The following KANK4 variants were observed in gnomAD, a reference collection of about 807,000 sequenced individuals.
KANK4 encodes KN motif and ankyrin repeat domain-containing protein 4.
Under a neutral mutation model 80.8 loss-of-function variants are expected in KANK4, and 50 were observed. The ratio of observed to expected loss-of-function variants is 0.62; its 90% CI spans 0.49 to 0.78. The LOEUF (loss-of-function observed/expected upper bound fraction) is 0.78. Ranked by LOEUF, KANK4 falls within the 30% of genes least tolerant of loss-of-function variation. The pLI is 0.00. For missense variants in KANK4, 1,196 were observed against 1,240.1 expected (o/e 0.96, Z 0.53); for synonymous variants, 465 against 506.9 (o/e 0.92, Z 1.11).
At chr1:62,291,592 C>T (rs1672679154) in intron 1 of KANK4, among the ~76,000 whole-genome samples, 1 of 152,112 alleles carries the variant, frequency 6.6e-6, no homozygotes, top group Non-Finnish European at 1.5e-5. Context: ...AGGTGCATAC[C>T]ACCAGGTACA....
At position 62,274,294 on chromosome 1, in the gene KANK4, G is replaced by A; in HGVS notation, c.810C>T (p.Ala270=). The part of the protein sequence containing the change: ...VLEDKEDEHN[A]REAEVLFTPG... ...GGGTGAACAACACCTCTGCTTCTCT[G>A]GCATTGTGTTCATCTTCCTTGTCCT... Residue 270 remains alanine (A), a synonymous_variant, in exon 3 of 10, where the codon GCC becomes GCT. Coordinates refer to ENST00000371153, the MANE Select transcript of KANK4 (RefSeq NM_181712.5). The A allele has an allele frequency of 1.2e-6, 2 of 1,614,150 alleles. No individual in the cohort carries two copies. Among genetic ancestry groups the A allele is most frequent in the African/African-American group, 2.7e-5 (2 of 75,050 alleles).
intron 5 of KANK4, 38 bp from the exon 6 acceptor site, chr1:62,266,857 T>A: frequency 7.9e-7 from 1 of 1,258,888 alleles, no homozygotes; most frequent in South Asian, 1.3e-5. Flanking sequence ...ATTTATATAA[T>A]CATTTTCAAG....
chr1:62,303,161 A>G (rs1571045410), intron 1 of KANK4, among the ~76,000 whole-genome samples: 1 of 152,130 alleles, frequency 6.6e-6, no homozygotes, highest in Middle Eastern at 3.4e-3. Context: ...GGATACTGGG[A>G]TGAGAGGCAG....
rs768266101 is a variant in KANK4 at position 62,274,874 on chromosome 1, T to G, written c.230A>C (p.Asp77Ala). Residue 77 changes from aspartate to alanine, a missense_variant, in exon 3 of 10, where the codon GAC becomes GCC. Asp to Ala is a moderately radical substitution (Grantham distance 126). Coordinates refer to ENST00000371153, the MANE Select transcript of KANK4 (RefSeq NM_181712.5). ...STLPRNFSLPDSGARPPAAPP... is the reference protein window; with the variant it reads ...STLPRNFSLPASGARPPAAPP... Reference sequence around the variant, plus strand: ...GGCTGCAGGGGGGCGAGCCCCACTGTCAGGAAGGCTGAAGTTTCGGGGCAG... The same window carrying G: ...GGCTGCAGGGGGGCGAGCCCCACTGGCAGGAAGGCTGAAGTTTCGGGGCAG... The G allele has an allele frequency of 1.5e-5, 24 of 1,614,098 alleles. No homozygotes were observed. The highest frequency in any genetic ancestry group is 1.9e-5 in the Non-Finnish European group (23 of 1,179,960).
chr1:62,247,181 G>A (rs1303604593), intron 9 of KANK4, among the ~76,000 whole-genome samples: 1 of 151,972 alleles, frequency 6.6e-6, no homozygotes, highest in African/African-American at 2.4e-5. Context: ...GTGAGCCACT[G>A]TGCTGAGCCT....
chr1:62,303,820 T>G lies in KANK4; in HGVS notation c.-71+15286A>C, dbSNP rs535469564. Among the ~76,000 whole-genome samples the G allele has an allele frequency of 8.5e-5, 13 of 152,222 alleles. No homozygotes were observed. The South Asian group carries it at 2.7e-3, about 32-fold the overall frequency. On this transcript the variant is annotated intron_variant, in intron 1 of 9. Coordinates refer to ENST00000371153, the MANE Select transcript of KANK4 (RefSeq NM_181712.5). ...AAAATTAATTTCACCTGTTTTCTTT[T>G]TATTTTCTTTAATGTACTCCTAGAA...
chr1:62,291,221 T>G (rs1404384698), intron 1 of KANK4, among the ~76,000 whole-genome samples: 1 of 152,266 alleles, frequency 6.6e-6, no homozygotes, highest in Non-Finnish European at 1.5e-5. Context: ...TATTGGCTTT[T>G]GTATATCATC....
chr1:62,274,293 T>C lies in KANK4; in HGVS notation c.811A>G (p.Arg271Gly). The C allele has an allele frequency of 6.2e-7, 1 of 1,614,176 alleles. No homozygotes were observed. Among genetic ancestry groups the C allele is most frequent in the South Asian group, 1.1e-5 (1 of 91,056 alleles). ...LEDKEDEHNA[R>G]EAEVLFTPGS... is the part of the protein sequence containing the mutation. ...GGGGTGAACAACACCTCTGCTTCTC[T>C]GGCATTGTGTTCATCTTCCTTGTCC... The change falls in exon 3 of 10, where the codon AGA (arginine) becomes GGA (glycine). Residue 271 changes from arginine (R) to glycine (G), a missense_variant. By Grantham distance (125) the Arg-to-Gly change is moderately radical. Transcript: ENST00000371153.
intron 2 of KANK4, among the ~76,000 whole-genome samples, chr1:62,275,308 CAG>C (rs1672283650): frequency 6.6e-6 from 1 of 152,230 alleles, no homozygotes; most frequent in African/African-American, 2.4e-5. Flanking sequence ...TGCAAGGAAA[CAG>C]GGAGAGGGAA....
intron 1 of KANK4, among the ~76,000 whole-genome samples, chr1:62,300,230 A>T (rs969584449): frequency 1.3e-5 from 2 of 152,168 alleles, no homozygotes; most frequent in Non-Finnish European, 2.9e-5. Flanking sequence ...CATGAAGTTC[A>T]ATAGCCCAGT....
intron 4 of KANK4, among the ~76,000 whole-genome samples, chr1:62,271,094 TA>T (rs1237763393): frequency 6.6e-6 from 1 of 152,130 alleles, no homozygotes; most frequent in Non-Finnish European, 1.5e-5. Context: ...TGCAGGAAGT[TA>T]AAGAAAGAAA....
At chr1:62,316,962 T>C (rs1459616409) in intron 1 of KANK4, among the ~76,000 whole-genome samples, 4 of 152,204 alleles carry the variant, frequency 2.6e-5, no homozygotes, top group African/African-American at 9.6e-5. Context: ...AAAAACCTTA[T>C]GTTTAATGCC....
intron 9 of KANK4, among the ~76,000 whole-genome samples, chr1:62,243,800 C>T (rs1186773471): frequency 3.3e-5 from 5 of 152,196 alleles, no homozygotes; most frequent in Admixed American, 2.6e-4. Context: ...TCACCCCTAG[C>T]TGAGAACCAC....
At chr1:62,314,609 T>G (rs1222565450) in intron 1 of KANK4, among the ~76,000 whole-genome samples, 1 of 151,940 alleles carries the variant, frequency 6.6e-6, no homozygotes, top group African/African-American at 2.4e-5. Context: ...TCATTTGACG[T>G]CAGAGCCACA....
intron 8 of KANK4, among the ~76,000 whole-genome samples, chr1:62,248,272 G>A (rs535692957): frequency 3.9e-5 from 6 of 152,320 alleles, no homozygotes; most frequent in African/African-American, 1.4e-4. Context: ...ATCATAGGTG[G>A]ACGTAGCAAT....
chr1:62,259,098 C>T (rs1671819196), intron 7 of KANK4, among the ~76,000 whole-genome samples: 2 of 151,976 alleles, frequency 1.3e-5, no homozygotes, highest in African/African-American at 4.8e-5. Context: ...ATGCTAAGAG[C>T]AATAGGAGGC....
Position 62,274,410 on chromosome 1 carries a change from C to T in KANK4, c.694G>A (p.Ala232Thr). 6.2e-7 allele frequency: 1 copy of T among 1,614,210 alleles called. No individual in the cohort carries two copies. Among genetic ancestry groups the T allele is most frequent in the East Asian group, 2.2e-5 (1 of 44,882 alleles). ...TTCACCACACCCTCTGGAGGCTCAGCTCCCTCCTGGACCAGCTCTGGAATC... is the reference window on the plus strand; with the variant it reads ...TTCACCACACCCTCTGGAGGCTCAGTTCCCTCCTGGACCAGCTCTGGAATC... ...TRIPELVQEG[A>T]EPPEGVVKVP... The change falls in exon 3 of 10, where the codon GCT (alanine) becomes ACT (threonine). Residue 232 changes from alanine (A) to threonine (T), a missense_variant. Ala to Thr is a moderately conservative substitution (Grantham distance 58). Around this residue, in one of 3 missense-constraint regions of KANK4, gnomAD observed 1,154 missense variants for 1,179.6 expected, o/e 0.98. Transcript: ENST00000371153.
chr1:62,289,302 G>A (rs760768660), intron 1 of KANK4, among the ~76,000 whole-genome samples: 4 of 152,318 alleles, frequency 2.6e-5, no homozygotes, highest in South Asian at 2.1e-4. Flanking sequence ...CCCAGGTATC[G>A]AGACCATCAG....
chr1:62,281,053 C>A (rs1252426978), intron 2 of KANK4, among the ~76,000 whole-genome samples: 1 of 152,160 alleles, frequency 6.6e-6, no homozygotes, highest in African/African-American at 2.4e-5. Flanking sequence ...GACACGTGGC[C>A]AAGTCATTAC....
Sources: allele counts gnomAD v4.1 joint callset (sites outside exome capture counted in the v4.1 genomes callset), GRCh38; gene constraint gnomAD v4.1.1; regional missense constraint gnomAD v4.1.1; transcripts MANE v1.5; gene names NCBI Gene and HGNC (gene_info 2026-07-23, HGNC 2026-07-21).